The following SLC35D4 variants were observed in gnomAD, a reference collection of about 807,000 sequenced individuals.
SLC35D4 encodes the protein UDP-N-acetylglucosamine transporter SLC35D4.
chr18:23,290,237 T>C, the SLC35D4 span, among the ~76,000 whole-genome samples: 2 of 152,228 alleles, frequency 1.3e-5, no homozygotes, highest in African/African-American at 4.8e-5. Context: ...CTGTTTCAAA[T>C]CTGCCTATCT....
At chr18:23,294,172 G>C in the SLC35D4 span, among the ~76,000 whole-genome samples, 1 of 151,940 alleles carries the variant, frequency 6.6e-6, no homozygotes, top group South Asian at 2.1e-4. Context: ...CTAATAGAAA[G>C]CACGTTCTTT....
chr18:23,437,885 G>C, the SLC35D4 span: 1 of 1,598,324 alleles, frequency 6.3e-7, no homozygotes, highest in Non-Finnish European at 8.5e-7. Flanking sequence ...GGGATCCACG[G>C]TGCCTGCCCA....
At chr18:23,437,717 C>T in the SLC35D4 span, 1 of 1,539,290 alleles carries the variant, frequency 6.5e-7, no homozygotes. Context: ...CCGTTTGTCA[C>T]GGGAAGATTC....
At chr18:23,248,638 A>G in the SLC35D4 span, among the ~76,000 whole-genome samples, 1 of 148,898 alleles carries the variant, frequency 6.7e-6, no homozygotes, top group African/African-American at 2.5e-5. Flanking sequence ...GACCAGCCTG[A>G]CCAACATGGT....
the SLC35D4 span, among the ~76,000 whole-genome samples, chr18:23,422,329 C>A: frequency 6.6e-6 from 1 of 151,916 alleles, no homozygotes; most frequent in Non-Finnish European, 1.5e-5. Context: ...TAAATCATTA[C>A]CCCGAACCTC....
At chr18:23,368,519 G>A in the SLC35D4 span, among the ~76,000 whole-genome samples, 1 of 152,154 alleles carries the variant, frequency 6.6e-6, no homozygotes, top group Non-Finnish European at 1.5e-5. Context: ...GAAGTTTAGG[G>A]CCTGAGAGAG....
chr18:23,244,145 A>G, the SLC35D4 span, among the ~76,000 whole-genome samples: 1 of 152,212 alleles, frequency 6.6e-6, no homozygotes, highest in Non-Finnish European at 1.5e-5. Flanking sequence ...AGTGCATCCA[A>G]ATACTCTCTG....
At chr18:23,282,235 G>C in the SLC35D4 span, among the ~76,000 whole-genome samples, 4 of 152,194 alleles carry the variant, frequency 2.6e-5, no homozygotes, top group Non-Finnish European at 5.9e-5. Flanking sequence ...TATTCCTTTT[G>C]CCTCAGGCAA....
At chr18:23,277,798 T>C in the SLC35D4 span, among the ~76,000 whole-genome samples, 3 of 152,174 alleles carry the variant, frequency 2.0e-5, no homozygotes, top group Non-Finnish European at 2.9e-5. Flanking sequence ...TTTGCTAAAC[T>C]GGCCTGGCAG....
chr18:23,303,577 A>C, the SLC35D4 span, among the ~76,000 whole-genome samples: 1 of 152,236 alleles, frequency 6.6e-6, no homozygotes, highest in African/African-American at 2.4e-5. Context: ...TGGTCAATGC[A>C]GGCTTACTTG....
the SLC35D4 span, among the ~76,000 whole-genome samples, chr18:23,312,319 G>T: frequency 6.6e-6 from 1 of 151,880 alleles, no homozygotes; most frequent in South Asian, 2.1e-4. Context: ...TGCACCTTTT[G>T]CCAAAAAAAA....
chr18:23,293,448 GT>G, the SLC35D4 span, among the ~76,000 whole-genome samples: 1 of 152,226 alleles, frequency 6.6e-6, no homozygotes, highest in Non-Finnish European at 1.5e-5. Flanking sequence ...GAAAAATGAT[GT>G]GATATTTTAC....
At chr18:23,252,975 T>C in the SLC35D4 span, 2 of 1,611,690 alleles carry the variant, frequency 1.2e-6, no homozygotes, top group African/African-American at 2.7e-5. Context: ...AGTGATTGAC[T>C]ACGTGAAGCC....
At chr18:23,382,271 C>A in the SLC35D4 span, among the ~76,000 whole-genome samples, 1 of 150,000 alleles carries the variant, frequency 6.7e-6, no homozygotes. Flanking sequence ...AAGAAAGGAT[C>A]CCTTTGGAGA....
chr18:23,293,170 G>A, the SLC35D4 span, among the ~76,000 whole-genome samples: 1 of 152,150 alleles, frequency 6.6e-6, no homozygotes, highest in African/African-American at 2.4e-5. Context: ...CTTGAACCTG[G>A]GAGGTAGAGG....
chr18:23,298,359 AG>A, the SLC35D4 span, among the ~76,000 whole-genome samples: 2 of 152,296 alleles, frequency 1.3e-5, no homozygotes, highest in East Asian at 3.9e-4. Context: ...GCACTGGGTT[AG>A]TGCTCTCTGG....
At chr18:23,245,934 A>T in the SLC35D4 span, among the ~76,000 whole-genome samples, 1 of 152,216 alleles carries the variant, frequency 6.6e-6, no homozygotes, top group South Asian at 2.1e-4. Context: ...GGAGCCCTTC[A>T]TCTGGTGAAT....
chr18:23,407,887 C>T, the SLC35D4 span, among the ~76,000 whole-genome samples: 1 of 152,238 alleles, frequency 6.6e-6, no homozygotes, highest in African/African-American at 2.4e-5. Flanking sequence ...ATGACTTTAT[C>T]CTTGGATATG....
chr18:23,391,960 CAG>C, the SLC35D4 span, among the ~76,000 whole-genome samples: 1 of 149,578 alleles, frequency 6.7e-6, no homozygotes, highest in South Asian at 2.1e-4. Context: ...TTTTTTGAGA[CAG>C]AGTTTCACCC....
Sources: allele counts gnomAD v4.1 joint callset (sites outside exome capture counted in the v4.1 genomes callset), GRCh38; gene constraint gnomAD v4.1.1; transcripts MANE v1.5; gene names NCBI Gene and HGNC (gene_info 2026-07-23, HGNC 2026-07-21).